Variants in EHBP1 observed in about 807,000 individuals in gnomAD.
EHBP1 encodes EH domain-binding protein 1.
In EHBP1, 55 loss-of-function variants were observed where a neutral mutation model predicts 144.0. That is an observed-to-expected ratio of 0.38 (90% CI 0.31 to 0.48). The LOEUF (loss-of-function observed/expected upper bound fraction) is 0.48, where lower values mean the gene tolerates loss of function less well. Ranked by LOEUF, EHBP1 falls within the 20% of genes least tolerant of loss-of-function variation. The pLI is 0.98. For synonymous variants in EHBP1, 469 were observed against 472.7 expected (o/e 0.99, Z 0.10); for missense variants, 1,200 against 1,364.2 (o/e 0.88, Z 1.90).
chr2:62,835,962 C>T (rs372168973), intron 7 of EHBP1, among the ~76,000 whole-genome samples: 3,160 of 151,112 alleles, frequency 0.021, 86 homozygotes, highest in African/African-American at 0.064. Context: ...CAAAGCGGCC[C>T]GGAAGCTCGA....
chr2:62,932,163 C>T (rs148663233), intron 10 of EHBP1, among the ~76,000 whole-genome samples: 120 of 147,210 alleles, frequency 8.2e-4, no homozygotes, highest in Middle Eastern at 7.0e-3. Context: ...GGTGGCAGAG[C>T]GAGACGGCAT....
At chr2:62,894,969 A>AGCAGGCAG (rs1573944508) in intron 10 of EHBP1, among the ~76,000 whole-genome samples, 1 of 133,138 alleles carries the variant, frequency 7.5e-6, no homozygotes, top group African/African-American at 2.9e-5. Flanking sequence ...GCTGCAGGCA[A>AGCAGGCAG]GCAGGCAGGC....
chr2:62,777,662 C>G (rs2042140516), intron 5 of EHBP1, among the ~76,000 whole-genome samples: 1 of 151,932 alleles, frequency 6.6e-6, no homozygotes, highest in Non-Finnish European at 1.5e-5. Context: ...CCAATGATAA[C>G]TTATATTTGA....
intron 7 of EHBP1, among the ~76,000 whole-genome samples, chr2:62,835,732 G>C (rs1265161264): frequency 6.6e-6 from 1 of 152,202 alleles, no homozygotes; most frequent in African/African-American, 2.4e-5. Flanking sequence ...AGGGGTGACG[G>C]ATGCACCTGG....
chr2:63,030,681 C>T (rs535981058), intron 19 of EHBP1, among the ~76,000 whole-genome samples: 6 of 150,306 alleles, frequency 4.0e-5, no homozygotes, highest in East Asian at 2.0e-4. Flanking sequence ...TTAGTAGAGA[C>T]GGGGTTTCAC....
At chr2:62,979,382 A>G (rs2058859115) in intron 15 of EHBP1, 47 bp downstream of exon 15, 2 of 1,579,514 alleles carry the variant, frequency 1.3e-6, no homozygotes, top group Non-Finnish European at 1.7e-6. Flanking sequence ...CCAGAAATCC[A>G]CAGTGGACCT....
intron 10 of EHBP1, among the ~76,000 whole-genome samples, chr2:62,911,653 G>A (rs1288168785): frequency 6.6e-6 from 1 of 152,022 alleles, no homozygotes; most frequent in African/African-American, 2.4e-5. Context: ...ATAGAGACAG[G>A]GTTTCTTCAT....
At chr2:62,690,583 TA>T (rs954331793) in intron 1 of EHBP1, among the ~76,000 whole-genome samples, 1 of 151,764 alleles carries the variant, frequency 6.6e-6, no homozygotes, top group East Asian at 1.9e-4. Context: ...ATTAATTAAA[TA>T]AAAAAAATTG....
intron 10 of EHBP1, among the ~76,000 whole-genome samples, chr2:62,898,513 C>A (rs2053127264): frequency 6.6e-6 from 1 of 152,182 alleles, no homozygotes; most frequent in Non-Finnish European, 1.5e-5. Flanking sequence ...AGTTTTCTAA[C>A]AACTCAGTCC....
At chr2:62,838,740 G>C (rs2047522842) in intron 7 of EHBP1, among the ~76,000 whole-genome samples, 1 of 151,226 alleles carries the variant, frequency 6.6e-6, no homozygotes, top group African/African-American at 2.4e-5. Context: ...AGAAAATCTA[G>C]AAGAAATGGA....
In EHBP1 at chr2:62,950,896, G is replaced by A. The variant is rs1448617566; in HGVS notation, c.2316+1734G>A. 2.0e-5 allele frequency among the ~76,000 whole-genome samples: 3 copies of A among 152,078 alleles called. No individual in the cohort carries two copies. The South Asian group carries it at 6.2e-4, about 32-fold the overall frequency. ...GACGGTGTTTCTCCATGTTGGTCAG[G>A]CTGGTCTCAAACTCCTGACCTCAGG... On this transcript the variant is annotated intron_variant, in intron 13 of 22. Transcript: ENST00000431489.
rs2061460266 is a variant in EHBP1 at position 63,036,869 on chromosome 2, A to T, written c.3104-666A>T. On this transcript the variant is annotated intron_variant, in intron 19 of 22. Transcript: ENST00000431489. The stretch of plus-strand genomic sequence containing the variant: ...TTTTAAGTATCTCCTGTGTACAATC[A>T]GTTATAATCTAAAATGTTCAGTTGT... Among the ~76,000 whole-genome samples, 4 of 151,926 alleles carry T rather than the reference A, an allele frequency of 2.6e-5. No individual in the cohort carries two copies. The South Asian group carries it at 6.2e-4, about 24-fold the overall frequency.
intron 2 of EHBP1, among the ~76,000 whole-genome samples, chr2:62,742,131 T>C (rs1449014630): frequency 6.6e-6 from 1 of 152,180 alleles, no homozygotes; most frequent in Non-Finnish European, 1.5e-5. Flanking sequence ...TCTAGGTATG[T>C]AGTAGGTTGT....
chr2:62,760,417 C>G (rs1431759051), intron 3 of EHBP1, among the ~76,000 whole-genome samples: 2 of 152,170 alleles, frequency 1.3e-5, no homozygotes, highest in African/African-American at 2.4e-5. Context: ...AAGCAGTGTA[C>G]TAGCAACTTA....
intron 5 of EHBP1, among the ~76,000 whole-genome samples, chr2:62,803,234 C>T (rs201876779): frequency 8.2e-6 from 1 of 121,660 alleles, no homozygotes; most frequent in Non-Finnish European, 1.7e-5. Context: ...GACCCTGTCT[C>T]AAAAAAAAAA....
intron 3 of EHBP1, among the ~76,000 whole-genome samples, chr2:62,748,830 G>A (rs2039398715): frequency 6.6e-6 from 1 of 151,784 alleles, no homozygotes; most frequent in Admixed American, 6.6e-5. Context: ...TTTTTATTTA[G>A]GGCCTCTTTT....
At chr2:62,890,329 C>T (rs1020928163) in intron 10 of EHBP1, among the ~76,000 whole-genome samples, 10 of 152,120 alleles carry the variant, frequency 6.6e-5, no homozygotes, top group South Asian at 4.1e-4. Context: ...TTGCTTTGGG[C>T]AATATGGCCA....
chr2:62,679,565 G>A (rs1046043378), intron 1 of EHBP1, among the ~76,000 whole-genome samples: 1 of 151,916 alleles, frequency 6.6e-6, no homozygotes, highest in African/African-American at 2.4e-5. Flanking sequence ...TTGTTCTAAG[G>A]TCCTAGTAGG....
intron 12 of EHBP1, among the ~76,000 whole-genome samples, chr2:62,944,868 A>G (rs910345896): frequency 1.3e-5 from 2 of 152,238 alleles, no homozygotes; most frequent in African/African-American, 4.8e-5. Flanking sequence ...TTTCTACTGA[A>G]TTGAATTCTT....
Sources: gnomAD v4.1 joint callset for allele counts (sites outside exome capture counted in the v4.1 genomes callset) on GRCh38, gnomAD v4.1.1 for gene constraint, MANE v1.5 for transcripts, NCBI Gene and HGNC (gene_info 2026-07-23, HGNC 2026-07-21) for gene names.